ECI2: variants seen among roughly 807,000 people sequenced by gnomAD.
ECI2 encodes the protein D3,D2-enoyl-CoA isomerase.
A neutral mutation model predicts 38.4 loss-of-function variants in ECI2; 27 were observed. That is an observed-to-expected ratio of 0.70 (90% confidence interval 0.52 to 0.97). The LOEUF (loss-of-function observed/expected upper bound fraction) is 0.97, where lower values mean the gene tolerates loss of function less well. Among genes scored for constraint, ECI2 ranks in the 50% least tolerant of loss-of-function variants. ECI2 has a pLI of 0.00. For missense variants in ECI2, 470 were observed against 474.4 expected, an observed-to-expected ratio of 0.99 and a Z score of 0.09; for synonymous variants, 168 against 172.0, an observed-to-expected ratio of 0.98 and a Z score of 0.18.
intron 5 of ECI2, 105 bp downstream of exon 5, chr6:4,127,657 C>T: frequency 1.7e-6 from 2 of 1,150,082 alleles, no homozygotes; most frequent in Non-Finnish European, 2.5e-6. Flanking sequence ...TCGGGAGCCA[C>T]CTGCCTCGGC....
intron 5 of ECI2, among the ~76,000 whole-genome samples, chr6:4,127,404 C>CT (rs71001567): frequency 0.024 from 1,846 of 75,850 alleles, 465 homozygotes; most frequent in African/African-American, 0.079. Context: ...ATCTTAGAGC[C>CT]TTTTTTTTTT....
intron 7 of ECI2, chr6:4,121,859 C>T (rs1031095708): frequency 5.2e-6 from 3 of 573,004 alleles, no homozygotes; most frequent in Non-Finnish European, 5.9e-6. Context: ...AGATATAAAT[C>T]TATAACATAT....
chr6:4,133,397 CAT>C (rs112240029), intron 2 of ECI2, 150 bp downstream of exon 2: 2,352 of 759,142 alleles, frequency 3.1e-3, no homozygotes, highest in South Asian at 5.2e-3. Context: ...AAAAAACTGG[CAT>C]ATATATATAT....
intron 4 of ECI2, among the ~76,000 whole-genome samples, chr6:4,128,704 A>C (rs886748115): frequency 6.6e-6 from 1 of 152,240 alleles, no homozygotes; most frequent in African/African-American, 2.4e-5. Context: ...TAAACAATAC[A>C]GTATAACAAC....
chr6:4,124,181 C>T (rs1772994219), intron 7 of ECI2, among the ~76,000 whole-genome samples: 1 of 152,156 alleles, frequency 6.6e-6, no homozygotes, highest in African/African-American at 2.4e-5. Flanking sequence ...TGATTTCTGC[C>T]TTTGAACAGA....
At chr6:4,133,808 T>C (rs1177265304) in intron 1 of ECI2, 97 bp from the exon 2 acceptor site, 2 of 1,356,922 alleles carry the variant, frequency 1.5e-6, no homozygotes, top group African/African-American at 2.0e-5. Flanking sequence ...CAAAATGCCA[T>C]GTTTGTCTAT....
intron 4 of ECI2, among the ~76,000 whole-genome samples, chr6:4,128,213 G>C (rs1773302804): frequency 6.6e-6 from 1 of 151,902 alleles, no homozygotes; most frequent in Non-Finnish European, 1.5e-5. Context: ...ACTCAGAGGA[G>C]GTGCTGAGGC....
At chr6:4,119,569 C>T (rs1382576975) in intron 7 of ECI2, among the ~76,000 whole-genome samples, 1 of 152,190 alleles carries the variant, frequency 6.6e-6, no homozygotes, top group Non-Finnish European at 1.5e-5. Context: ...GATCCACCTG[C>T]CTCGGCCTCC....
intron 9 of ECI2, among the ~76,000 whole-genome samples, chr6:4,117,080 G>GC (rs3841679): frequency 0.32 from 48,736 of 152,056 alleles, 7,940 homozygotes; most frequent in Admixed American, 0.37. Context: ...ATACAGAATT[G>GC]CCCTCTGTCC....
intron 9 of ECI2, 94 bp from the exon 10 acceptor site, chr6:4,116,123 G>A (rs1772252836): frequency 1.4e-6 from 2 of 1,420,502 alleles, no homozygotes; most frequent in East Asian, 4.8e-5. Context: ...GGCCGAGGCG[G>A]GCAGATCAGT....
At chr6:4,130,589 C>T in intron 3 of ECI2, 29 bp from the exon 4 acceptor site, 2 of 1,613,792 alleles carry the variant, frequency 1.2e-6, no homozygotes, top group Non-Finnish European at 1.7e-6. Flanking sequence ...ACAACCTCAG[C>T]CCATGGTCAA....
In ECI2 at chr6:4,116,047, A is replaced by G; in HGVS notation, c.1030-18T>C. 1 of 1,608,726 alleles carries G rather than the reference A, an allele frequency of 6.2e-7. No individual in the cohort carries two copies. Among genetic ancestry groups the G allele is most frequent in the South Asian group, 1.1e-5 (1 of 89,896 alleles). On this transcript the variant is annotated intron_variant, in intron 9 of 9. Coordinates refer to ENST00000380118, the MANE Select transcript of ECI2 (RefSeq NM_206836.3). ...CTCAAGGCCTGGAAAAACAAAACCA[A>G]CAATAAGGTTAAGAGTTGACCTAGG...
Position 4,126,195 on chromosome 6 carries a change from A to T in ECI2, c.614T>A (p.Phe205Tyr). ...TACTCCACCAGGGGGAATATCAGTG[A>T]AGTTAGTCAGATCATTCCCACTACT... ...YYSSGNDLTN[F>Y]TDIPPGGVEE... is the part of the protein sequence containing the mutation. Residue 205 changes from phenylalanine to tyrosine, a missense_variant, in exon 6 of 10, where the codon TTC (phenylalanine) becomes TAC (tyrosine). Physicochemically the swap from Phe to Tyr is conservative, Grantham distance 22. Coordinates refer to ENST00000380118, the MANE Select transcript of ECI2 (RefSeq NM_206836.3). 6.2e-7 allele frequency: 1 copy of T among 1,613,894 alleles called. No homozygotes were observed. Among genetic ancestry groups the T allele is most frequent in the Non-Finnish European group, 8.5e-7 (1 of 1,179,976 alleles).
chr6:4,126,084 G>A (rs754399136), intron 6 of ECI2, 51 bp downstream of exon 6: 1 of 1,458,578 alleles, frequency 6.9e-7, no homozygotes, highest in Admixed American at 1.7e-5. Flanking sequence ...ATACCACTTT[G>A]ATGACTAAGA....
chr6:4,134,845 CGTGA>C (rs1376311644), intron 1 of ECI2, among the ~76,000 whole-genome samples: 3 of 152,138 alleles, frequency 2.0e-5, no homozygotes, highest in Admixed American at 1.3e-4. Context: ...TTAAATAAAG[CGTGA>C]GTTTTAAAAA....
chr6:4,125,963 A>C, intron 6 of ECI2, 172 bp downstream of exon 6: 1 of 691,804 alleles, frequency 1.4e-6, no homozygotes, highest in Non-Finnish European at 2.6e-6. Context: ...TCAAAGAGAA[A>C]GAATGAATGC....
chr6:4,135,163 G>A (rs1028685057), intron 1 of ECI2: 18 of 582,238 alleles, frequency 3.1e-5, no homozygotes, highest in Non-Finnish European at 5.8e-5. Context: ...GCCCGGCTGG[G>A]AAGTGCAGGC....
chr6:4,117,388 C>G lies in ECI2; in HGVS notation c.949G>C (p.Val317Leu). The G allele has an allele frequency of 3.1e-6, 5 of 1,614,144 alleles. No homozygotes were observed. In the Middle Eastern group the frequency reaches 4.9e-4, roughly 160 times the overall value. Reference sequence around the variant, plus strand: ...GTGCTATCAGGGAAAACTTCAGTAACAAGTCCTTGAGCACATGCCTCTCCC... The same window carrying G: ...GTGCTATCAGGGAAAACTTCAGTAAGAAGTCCTTGAGCACATGCCTCTCCC... ...TAGEACAQGL[V>L]TEVFPDSTFQ... Residue 317 changes from valine to leucine, a missense_variant, in exon 9 of 10, where the codon GTT becomes CTT. Transcript: ENST00000380118.
At chr6:4,127,301 T>C (rs768085469) in intron 5 of ECI2, among the ~76,000 whole-genome samples, 9 of 152,246 alleles carry the variant, frequency 5.9e-5, no homozygotes, top group Middle Eastern at 3.4e-3. Context: ...TGTGTCTTAA[T>C]TGATGTTGGG....
Sources: allele counts gnomAD v4.1 joint callset (sites outside exome capture counted in the v4.1 genomes callset), GRCh38; gene constraint gnomAD v4.1.1; transcripts MANE v1.5; gene names NCBI Gene and HGNC (gene_info 2026-07-23, HGNC 2026-07-21).